CTNNA3: variants seen among roughly 807,000 people sequenced by gnomAD.
CTNNA3 encodes catenin alpha-3.
In CTNNA3, 76 loss-of-function variants were observed where a neutral mutation model predicts 95.7. That is an observed-to-expected ratio of 0.79 (90% CI 0.66 to 0.96). The LOEUF (loss-of-function observed/expected upper bound fraction) is 0.96, where lower values mean the gene tolerates loss of function less well. Among genes scored for constraint, CTNNA3 ranks in the 40% least tolerant of loss-of-function variants. The pLI, the probability that CTNNA3 is intolerant of heterozygous loss-of-function variation, is 0.00. For synonymous variants in CTNNA3, 431 were observed against 374.4 expected (o/e 1.15, Z -1.74); for missense variants, 1,191 against 1,089.8 (o/e 1.09, Z -1.31).
chr10:67,652,400 G>C (rs1839901915), intron 1 of CTNNA3, among the ~76,000 whole-genome samples: 1 of 152,172 alleles, frequency 6.6e-6, no homozygotes, highest in East Asian at 1.9e-4. Flanking sequence ...GATCATTTTA[G>C]GGTTCAGGGA....
At chr10:67,300,252 T>C (rs915368878) in intron 5 of CTNNA3, among the ~76,000 whole-genome samples, 1 of 152,192 alleles carries the variant, frequency 6.6e-6, no homozygotes, top group Non-Finnish European at 1.5e-5. Context: ...CTGTGGCTTG[T>C]TGTAATTTCA....
chr10:66,913,721 G>A (rs778581546), intron 7 of CTNNA3, among the ~76,000 whole-genome samples: 2 of 152,158 alleles, frequency 1.3e-5, no homozygotes, highest in Non-Finnish European at 2.9e-5. Flanking sequence ...TCACAAAAAA[G>A]ATGGGGACTG....
chr10:67,691,128 G>A (rs950849136), intron 1 of CTNNA3, among the ~76,000 whole-genome samples: 31 of 152,210 alleles, frequency 2.0e-4, no homozygotes, highest in African/African-American at 7.0e-4. Context: ...TCCCAACCAC[G>A]AGTGATCCAC....
At chr10:66,185,578 C>T (rs930595362) in intron 13 of CTNNA3, among the ~76,000 whole-genome samples, 1 of 151,948 alleles carries the variant, frequency 6.6e-6, no homozygotes, top group Non-Finnish European at 1.5e-5. Flanking sequence ...GTATTTTATT[C>T]ACAGAGAAGC....
chr10:66,859,881 T>C (rs1246189200), intron 7 of CTNNA3, among the ~76,000 whole-genome samples: 1 of 129,976 alleles, frequency 7.7e-6, no homozygotes, highest in South Asian at 2.4e-4. Flanking sequence ...ATGGATGAAA[T>C]TGGAAATCAT....
chr10:66,458,410 C>T (rs1342319479), intron 11 of CTNNA3, among the ~76,000 whole-genome samples: 1 of 152,114 alleles, frequency 6.6e-6, no homozygotes, highest in African/African-American at 2.4e-5. Context: ...TTTCTTTTGA[C>T]TATTGAGGTA....
intron 11 of CTNNA3, among the ~76,000 whole-genome samples, chr10:66,429,533 A>T (rs1313425791): frequency 6.6e-6 from 1 of 152,226 alleles, no homozygotes; most frequent in Non-Finnish European, 1.5e-5. Context: ...ATCCAGCAGC[A>T]CATCAAAAAG....
rs543882241 is a variant in CTNNA3 at position 66,520,245 on chromosome 10, C to CTTTTTTT, written c.1531+365_1531+371dup. On this transcript the variant is annotated intron_variant, in intron 11 of 17. Transcript: ENST00000433211. The stretch of plus-strand genomic sequence containing the variant: ...AAAATTAATCTTATTTAGTATTATT[C>CTTTTTTT]TTTTTTTTTTTTTTTTTTTTTTTTG... Among the ~76,000 whole-genome samples the CTTTTTTT allele has an allele frequency of 3.7e-4, 29 of 78,068 alleles. 1 individual carries two copies. The highest frequency in any genetic ancestry group is 5.0e-4 in the Non-Finnish European group (22 of 44,344). The allele number at this position is 78,068 out of a possible 152,430, so 51.2% of individuals were successfully genotyped here.
At chr10:66,338,071 G>C (rs993248372) in intron 12 of CTNNA3, among the ~76,000 whole-genome samples, 1 of 151,938 alleles carries the variant, frequency 6.6e-6, no homozygotes, top group Non-Finnish European at 1.5e-5. Flanking sequence ...TTTAAGAATA[G>C]ATAACATAAA....
intron 7 of CTNNA3, among the ~76,000 whole-genome samples, chr10:66,953,810 T>C (rs1306693095): frequency 6.6e-6 from 1 of 152,138 alleles, no homozygotes; most frequent in Non-Finnish European, 1.5e-5. Context: ...GCCCAAGGCT[T>C]TGTAGGCCAG....
intron 9 of CTNNA3, among the ~76,000 whole-genome samples, chr10:66,693,473 G>T (rs1178020790): frequency 6.6e-6 from 1 of 150,588 alleles, no homozygotes; most frequent in Admixed American, 6.6e-5. Flanking sequence ...AGTCCTGAGT[G>T]ACCTACAACG....
chr10:66,685,205 A>ATG (rs1564617078), intron 9 of CTNNA3, among the ~76,000 whole-genome samples: 5 of 40,170 alleles, frequency 1.2e-4, no homozygotes, highest in South Asian at 8.7e-4. Context: ...ATATATATAT[A>ATG]CGTATATATA....
chr10:67,715,423 C>A (rs1329201666), intron 1 of CTNNA3, among the ~76,000 whole-genome samples: 1 of 152,048 alleles, frequency 6.6e-6, no homozygotes, highest in Non-Finnish European at 1.5e-5. Flanking sequence ...AAGAACTGAC[C>A]AAATGATAGG....
At chr10:66,745,577 T>C (rs1196137840) in intron 9 of CTNNA3, among the ~76,000 whole-genome samples, 2 of 147,848 alleles carry the variant, frequency 1.4e-5, no homozygotes, top group Non-Finnish European at 3.0e-5. Context: ...TGGTATATAA[T>C]GCAGACAGCC....
chr10:66,447,724 T>A (rs1040984250), intron 11 of CTNNA3, among the ~76,000 whole-genome samples: 12 of 152,200 alleles, frequency 7.9e-5, no homozygotes, highest in African/African-American at 2.9e-4. Flanking sequence ...ATAAAAATCC[T>A]AGAAGAAAAC....
chr10:67,280,492 T>C (rs964364561), intron 5 of CTNNA3, among the ~76,000 whole-genome samples: 7 of 151,236 alleles, frequency 4.6e-5, no homozygotes, highest in African/African-American at 1.7e-4. Flanking sequence ...GAGAGCAGAG[T>C]TCATTGGGCA....
At chr10:66,965,685 CTG>C (rs1311293398) in intron 7 of CTNNA3, among the ~76,000 whole-genome samples, 1 of 151,000 alleles carries the variant, frequency 6.6e-6, no homozygotes, top group Non-Finnish European at 1.5e-5. Flanking sequence ...CAAAGCAAAA[CTG>C]TAGCAAAGCC....
chr10:66,340,313 T>C (rs923690774), intron 12 of CTNNA3, among the ~76,000 whole-genome samples: 4 of 151,946 alleles, frequency 2.6e-5, no homozygotes, highest in Admixed American at 1.3e-4. Flanking sequence ...CAATTCTATG[T>C]CAAGTTCCAG....
At chr10:66,360,060 C>A (rs563259022) in intron 12 of CTNNA3, among the ~76,000 whole-genome samples, 29 of 152,162 alleles carry the variant, frequency 1.9e-4, no homozygotes, top group African/African-American at 6.7e-4. Context: ...AACTCCTGAC[C>A]TCATGATCCA....
Sources: gnomAD v4.1 joint callset for allele counts (sites outside exome capture counted in the v4.1 genomes callset) on GRCh38, gnomAD v4.1.1 for gene constraint, MANE v1.5 for transcripts, NCBI Gene and HGNC (gene_info 2026-07-23, HGNC 2026-07-21) for gene names.